The following MYL12A variants were observed in gnomAD, a reference collection of about 807,000 sequenced individuals.
The protein encoded by MYL12A is myosin light chain 12A.
In MYL12A, 11 loss-of-function variants were observed where a neutral mutation model predicts 13.3. The observed-to-expected ratio is 0.83, with a 90% CI of 0.52 to 1.37. MYL12A has a LOEUF of 1.37. Ranked by LOEUF, MYL12A falls within the 40% of genes most tolerant of loss-of-function variation. MYL12A has a pLI of 0.00. For missense variants in MYL12A, 146 were observed against 212.3 expected (o/e 0.69, Z 1.94); for synonymous variants, 51 against 69.9 (o/e 0.73, Z 1.35).
At chr18:3,251,099 G>A (rs1000630252) in intron 1 of MYL12A, among the ~76,000 whole-genome samples, 2 of 150,770 alleles carry the variant, frequency 1.3e-5, no homozygotes, top group Non-Finnish European at 2.9e-5. Context: ...TATTGAATGT[G>A]CTGAAGAAGA....
At chr18:3,252,994 CT>C (rs3217517) in intron 1 of MYL12A, among the ~76,000 whole-genome samples, 6,909 of 151,972 alleles carry the variant, frequency 0.045, 304 homozygotes, top group East Asian at 0.22. Context: ...ATTTTTTTTG[CT>C]TCTTGGTTTT....
intron 1 of MYL12A, chr18:3,248,265 C>G (rs1236020620): frequency 1.3e-5 from 2 of 152,220 alleles, no homozygotes; most frequent in East Asian, 3.9e-4. Flanking sequence ...GCCCGTTGTC[C>G]CCCTGCTGCA....
chr18:3,250,196 G>A (rs1314765515), intron 1 of MYL12A, among the ~76,000 whole-genome samples: 1 of 152,166 alleles, frequency 6.6e-6, no homozygotes, highest in Non-Finnish European at 1.5e-5. Flanking sequence ...TTGTGCACAT[G>A]TACCCTAAAA....
At position 3,254,054 on chromosome 18, in the gene MYL12A, A is replaced by AGT. The variant is rs1567984593; in HGVS notation, c.343+6_343+7dup. The AGT allele has an allele frequency of 6.2e-7, 1 of 1,610,764 alleles. No homozygotes were observed. On this transcript the variant is annotated splice_donor_region_variant and intron_variant, in intron 3 of 3. Coordinates refer to ENST00000217652, the MANE Select transcript of MYL12A (RefSeq NM_006471.4). ...TGCTTTGATGAAGAAGCAACTGGTA[A>AGT]GTGAGAGGTAACCTTTAATTATAAA...
At chr18:3,247,624 A>G (rs1045095961), upstream of MYL12A, 6 of 152,526 alleles carry the variant, frequency 3.9e-5, no homozygotes, top group Non-Finnish European at 7.3e-5. Flanking sequence ...CAGGACCCAG[A>G]GGACCATTAT....
At chr18:3,252,160 A>T in intron 1 of MYL12A, 1 of 533,340 alleles carries the variant, frequency 1.9e-6, no homozygotes, top group Non-Finnish European at 3.2e-6. Flanking sequence ...GATCATAGCT[A>T]AATGTTGTTT....
chr18:3,252,328 A>G (rs111451720), intron 1 of MYL12A: 3 of 1,533,364 alleles, frequency 2.0e-6, no homozygotes, highest in Non-Finnish European at 1.7e-6. Context: ...GAAGGATGGT[A>G]TGGTAGAATT....
rs1051166295 is a variant in MYL12A, at chr18:3,253,618, T to C, written c.181+190T>C. ...CCCTGTCTTAGGATTGGGTTGGGGT[T>C]CGTGTGTGTGTGTGTGTGTATAAAA... On this transcript the variant is annotated intron_variant, in intron 2 of 3. Coordinates refer to ENST00000217652, the MANE Select transcript of MYL12A (RefSeq NM_006471.4). 2.3e-5 allele frequency: 18 copies of C among 767,688 alleles called. No homozygotes were observed. The African/African-American group carries it at 2.9e-4, about 12-fold the overall frequency. 47.6% of individuals were successfully genotyped at this position (767,688 alleles called of 1,614,324 possible).
At chr18:3,252,882 T>C (rs1167220300) in intron 1 of MYL12A, among the ~76,000 whole-genome samples, 1 of 152,238 alleles carries the variant, frequency 6.6e-6, no homozygotes, top group Non-Finnish European at 1.5e-5. Context: ...ATAGCCAGTT[T>C]AGGCTAAGGC....
chr18:3,251,160 T>G (rs1433187073), intron 1 of MYL12A, among the ~76,000 whole-genome samples: 1 of 151,924 alleles, frequency 6.6e-6, no homozygotes, highest in Non-Finnish European at 1.5e-5. Flanking sequence ...AAAAAAGCTT[T>G]TTTACTTTAA....
Position 3,255,084 on chromosome 18 carries a change from C to T in MYL12A, c.344-662C>T, listed in dbSNP as rs569299155. Among the ~76,000 whole-genome samples the T allele has an allele frequency of 2.6e-5, 4 of 152,364 alleles. No homozygotes were observed. The East Asian group carries it at 5.8e-4, about 22-fold the overall frequency. On this transcript the variant is annotated intron_variant, in intron 3 of 3. Transcript: ENST00000217652. ...TAAAGAGCACACACCTTTCAGCTTA[C>T]CACTGCACATCCCCACTGCCCAGCA...
intron 3 of MYL12A, among the ~76,000 whole-genome samples, chr18:3,254,559 T>G (rs976461007): frequency 1.3e-5 from 2 of 152,252 alleles, no homozygotes; most frequent in East Asian, 3.8e-4. Flanking sequence ...TGGGGCAAGT[T>G]GCTTAACTTT....
Position 3,253,436 on chromosome 18 carries a change from T to A in MYL12A, c.181+8T>A, listed in dbSNP as rs765396803. 6.2e-7 allele frequency: 1 copy of A among 1,612,122 alleles called. No individual in the cohort carries two copies. The highest frequency in any genetic ancestry group is 8.5e-7 in the Non-Finnish European group (1 of 1,178,714). ...ATATGCTTGCTTCATTGGGTAATGCTCAGTTTAAATATTAATCTATTGGAT... is the reference window on the plus strand; with the variant it reads ...ATATGCTTGCTTCATTGGGTAATGCACAGTTTAAATATTAATCTATTGGAT... On this transcript the variant is annotated splice_region_variant and intron_variant, in intron 2 of 3. Coordinates refer to ENST00000217652, the MANE Select transcript of MYL12A (RefSeq NM_006471.4).
intron 1 of MYL12A, among the ~76,000 whole-genome samples, chr18:3,250,312 T>C (rs532132952): frequency 6.6e-6 from 1 of 152,232 alleles, no homozygotes; most frequent in Admixed American, 6.5e-5. Context: ...GCTTATTACA[T>C]GAAGAGTGAC....
At chr18:3,249,662 C>G (rs1365239524) in intron 1 of MYL12A, 1 of 152,234 alleles carries the variant, frequency 6.6e-6, no homozygotes, top group Non-Finnish European at 1.5e-5. Flanking sequence ...GTAATTCCAG[C>G]ACTTTGGGAG....
chr18:3,253,612 T>C lies in MYL12A; in HGVS notation c.181+184T>C, dbSNP rs865863314. The C allele has an allele frequency of 6.3e-5, 50 of 795,632 alleles. 1 individual carries two copies. In the South Asian group the frequency reaches 6.8e-4, roughly 11 times the overall value. The allele number at this position is 795,632 out of a possible 1,614,324, so 49.3% of individuals were successfully genotyped here. A position where few individuals can be genotyped will look rare whatever the true frequency, so the allele number is the denominator to read the frequency against. On this transcript the variant is annotated intron_variant, in intron 2 of 3. Coordinates refer to ENST00000217652, the MANE Select transcript of MYL12A (RefSeq NM_006471.4). ...TCGTGACCCTGTCTTAGGATTGGGT[T>C]GGGGTTCGTGTGTGTGTGTGTGTGT...
At chr18:3,251,988 T>C (rs1158379326) in intron 1 of MYL12A, among the ~76,000 whole-genome samples, 1 of 152,238 alleles carries the variant, frequency 6.6e-6, no homozygotes. Context: ...GTATTTAGTC[T>C]GGACGATATG....
intron 3 of MYL12A, among the ~76,000 whole-genome samples, chr18:3,254,462 T>A (rs3786458): frequency 0.71 from 108,498 of 152,182 alleles, 40,486 homozygotes; most frequent in Non-Finnish European, 0.82. Flanking sequence ...ATCTAACCTT[T>A]ATTTTAAAAT....
At chr18:3,255,280 T>A (rs2081525396) in intron 3 of MYL12A, among the ~76,000 whole-genome samples, 1 of 152,238 alleles carries the variant, frequency 6.6e-6, no homozygotes, top group Admixed American at 6.5e-5. Context: ...AAATAGCTTC[T>A]TAAAACTGGG....
Sources: allele counts gnomAD v4.1 joint callset (sites outside exome capture counted in the v4.1 genomes callset), GRCh38; gene constraint gnomAD v4.1.1; transcripts MANE v1.5; gene names NCBI Gene and HGNC (gene_info 2026-07-23, HGNC 2026-07-21).